The following ADAMTSL1 variants were observed in gnomAD, a reference collection of about 807,000 sequenced individuals.
ADAMTSL1 encodes the protein ADAMTS-like protein 1.
Under a neutral mutation model 201.8 loss-of-function variants are expected in ADAMTSL1, and 126 were observed. The observed-to-expected ratio is 0.62, with a 90% CI of 0.54 to 0.72. The LOEUF (loss-of-function observed/expected upper bound fraction) is 0.72. Ranked by LOEUF, ADAMTSL1 falls within the 30% of genes least tolerant of loss-of-function variation. The probability of loss-of-function intolerance (pLI) is 0.00; values close to 1 mark genes in which losing one functional copy is unlikely to be tolerated. For synonymous variants in ADAMTSL1, 1,121 were observed against 903.4 expected, an observed-to-expected ratio of 1.24 and a Z score of -4.32; for missense variants, 2,679 against 2,277.8, an observed-to-expected ratio of 1.18 and a Z score of -3.59.
At chr9:18,541,237 G>A (rs1332573166) in intron 3 of ADAMTSL1, among the ~76,000 whole-genome samples, 6 of 152,182 alleles carry the variant, frequency 3.9e-5, no homozygotes, top group African/African-American at 1.4e-4. Context: ...AGTGGCAGGC[G>A]CAGTGGCTCA....
chr9:18,805,794 T>C (rs1340830787), intron 20 of ADAMTSL1, among the ~76,000 whole-genome samples: 1 of 152,160 alleles, frequency 6.6e-6, no homozygotes, highest in African/African-American at 2.4e-5. Flanking sequence ...ACTCTGTCAG[T>C]CATTAGATTT....
intron 14 of ADAMTSL1, 104 bp from the exon 15 acceptor site, chr9:18,721,432 T>C: frequency 6.7e-7 from 1 of 1,498,248 alleles, no homozygotes; most frequent in Non-Finnish European, 9.0e-7. Context: ...GCGAGAGTCC[T>C]ACAGAACACA....
chr9:18,419,650 C>A (rs1177179726), intron 2 of ADAMTSL1, among the ~76,000 whole-genome samples: 4 of 151,924 alleles, frequency 2.6e-5, no homozygotes, highest in African/African-American at 9.7e-5. Context: ...ACATGTGATA[C>A]CTTGAATAAA....
At chr9:18,645,104 A>C (rs1311962186) in intron 7 of ADAMTSL1, among the ~76,000 whole-genome samples, 1 of 152,012 alleles carries the variant, frequency 6.6e-6, no homozygotes, top group Non-Finnish European at 1.5e-5. Context: ...ATGGTATCTC[A>C]TTGTGGTTTT....
chr9:18,600,367 G>T (rs2044049661), intron 4 of ADAMTSL1, among the ~76,000 whole-genome samples: 1 of 152,082 alleles, frequency 6.6e-6, no homozygotes, highest in South Asian at 2.1e-4. Flanking sequence ...TAGTTTTCTT[G>T]CCCAAGGTCA....
chr9:18,166,389 C>A (rs556770790), intron 2 of ADAMTSL1, among the ~76,000 whole-genome samples: 8 of 151,908 alleles, frequency 5.3e-5, no homozygotes, highest in African/African-American at 1.9e-4. Context: ...AGAATTCCAT[C>A]ACGGAATATG....
rs1383912541 is a variant in ADAMTSL1, at chr9:18,910,618, CTAA to C, written c.*2072_*2074del. The C allele has an allele frequency of 6.6e-6, 1 of 152,206 alleles. No individual in the cohort carries two copies. Among genetic ancestry groups the C allele is most frequent in the Non-Finnish European group, 1.5e-5 (1 of 68,052 alleles). The allele number at this position is 152,206 out of a possible 1,614,324, so 9.4% of individuals were successfully genotyped here. ...AAGACAGACAAATTCCATACTACTA[CTAA>C]TGTGGTTAATTATTTCTAGTTCGAT... On this transcript the variant is annotated 3_prime_UTR_variant, in exon 29 of 29. Coordinates refer to ENST00000380548, the MANE Select transcript of ADAMTSL1 (RefSeq NM_001040272.6).
rs374593901 is a variant in ADAMTSL1 at position 17,967,446 on chromosome 9, T to C, written c.87+60524T>C. Among the ~76,000 whole-genome samples the C allele has an allele frequency of 1.4e-3, 212 of 152,268 alleles. 13 individuals are homozygous for C. The South Asian group carries it at 0.042, about 30-fold the overall frequency. On this transcript the variant is annotated intron_variant, in intron 1 of 29. Transcript: ENST00000680146. ...GTGATTCTGTAAAGATGGGTAACTA[T>C]AGTAATACCAGCTAACATTCATTGA...
At chr9:18,424,659 A>G (rs1413332623) in intron 2 of ADAMTSL1, among the ~76,000 whole-genome samples, 1 of 152,128 alleles carries the variant, frequency 6.6e-6, no homozygotes, top group African/African-American at 2.4e-5. Flanking sequence ...AAGAATGAAG[A>G]TTATTTATTC....
At chr9:18,368,692 C>T (rs1026505996) in intron 2 of ADAMTSL1, among the ~76,000 whole-genome samples, 3 of 152,132 alleles carry the variant, frequency 2.0e-5, no homozygotes, top group African/African-American at 7.2e-5. Flanking sequence ...ACAATTGTAT[C>T]ACATGCTGCC....
At chr9:18,847,958 C>G (rs1028388856) in intron 23 of ADAMTSL1, among the ~76,000 whole-genome samples, 12 of 152,194 alleles carry the variant, frequency 7.9e-5, no homozygotes, top group African/African-American at 2.7e-4. Flanking sequence ...CAGCATTAGA[C>G]AGGGGCAGGC....
intron 1 of ADAMTSL1, among the ~76,000 whole-genome samples, chr9:18,052,481 C>A (rs545390664): frequency 6.6e-6 from 1 of 152,100 alleles, no homozygotes; most frequent in Non-Finnish European, 1.5e-5. Flanking sequence ...TGTGAAGCCG[C>A]TGAGAGTGGA....
chr9:17,925,423 T>C (rs1399447740), intron 1 of ADAMTSL1, among the ~76,000 whole-genome samples: 6 of 103,644 alleles, frequency 5.8e-5, no homozygotes, highest in South Asian at 4.1e-4. Context: ...TATTGCGGCA[T>C]TATTCACAAT....
At chr9:17,968,876 A>G (rs1026391995) in intron 1 of ADAMTSL1, among the ~76,000 whole-genome samples, 27 of 152,090 alleles carry the variant, frequency 1.8e-4, no homozygotes, top group African/African-American at 6.0e-4. Context: ...TGCCTCAATG[A>G]CACTGTATCT....
chr9:18,562,226 A>G (rs1342396132), intron 3 of ADAMTSL1, among the ~76,000 whole-genome samples: 1 of 152,160 alleles, frequency 6.6e-6, no homozygotes, highest in Non-Finnish European at 1.5e-5. Flanking sequence ...GGTGGTGACA[A>G]AATCTCTCAG....
intron 1 of ADAMTSL1, among the ~76,000 whole-genome samples, chr9:17,984,154 C>T (rs1379807341): frequency 6.6e-6 from 1 of 152,064 alleles, no homozygotes; most frequent in African/African-American, 2.4e-5. Flanking sequence ...TAGCAATTAG[C>T]AGATTCTTGT....
At chr9:18,263,486 G>A (rs1045379473) in intron 2 of ADAMTSL1, among the ~76,000 whole-genome samples, 4 of 152,136 alleles carry the variant, frequency 2.6e-5, no homozygotes, top group Non-Finnish European at 5.9e-5. Context: ...TCCCTCTACA[G>A]TCTTCTTTGG....
At chr9:18,901,577 T>TTGA (rs1411303363) in intron 26 of ADAMTSL1, among the ~76,000 whole-genome samples, 1 of 152,130 alleles carries the variant, frequency 6.6e-6, no homozygotes, top group African/African-American at 2.4e-5. Context: ...TTGTATGAAA[T>TTGA]TGATATCAAA....
At chr9:18,595,872 G>A (rs1200660952) in intron 4 of ADAMTSL1, among the ~76,000 whole-genome samples, 1 of 152,184 alleles carries the variant, frequency 6.6e-6, no homozygotes, top group East Asian at 1.9e-4. Flanking sequence ...GAGCAGATCT[G>A]TCAGCTGGGT....
Sources: allele counts gnomAD v4.1 joint callset (sites outside exome capture counted in the v4.1 genomes callset), GRCh38; gene constraint gnomAD v4.1.1; transcripts MANE v1.5; gene names NCBI Gene and HGNC (gene_info 2026-07-23, HGNC 2026-07-21).